USH2A: variants seen among roughly 807,000 people sequenced by gnomAD.
USH2A encodes the protein Usher syndrome 2A (autosomal recessive, mild).
Under a neutral mutation model 538.9 loss-of-function variants are expected in USH2A, and 443 were observed. The ratio of observed to expected loss-of-function variants is 0.82; its 90% CI spans 0.76 to 0.89. The LOEUF (loss-of-function observed/expected upper bound fraction) is 0.89, where lower values mean the gene tolerates loss of function less well. Among genes scored for constraint, USH2A ranks in the 40% least tolerant of loss-of-function variants. USH2A has a pLI of 0.00. For missense variants in USH2A, 6,633 were observed against 6,324.8 expected (o/e 1.05, Z -1.65); for synonymous variants, 2,413 against 2,273.5 (o/e 1.06, Z -1.75).
chr1:215,671,150 G>T lies in USH2A; in HGVS notation c.13955C>A (p.Thr4652Asn), dbSNP rs148605973. The T allele has an allele frequency of 5.6e-6, 9 of 1,614,156 alleles. No individual in the cohort carries two copies. The African/African-American group carries it at 1.2e-4, about 22-fold the overall frequency. ...VQMAPGGFQP[T>N]VSLLWTGPLQ... ...CGGTCCTGTCCACAAAAGAGAAACA[G>T]TTGGCTGGAATCCTCCTGGAGCCAT... is the stretch of plus-strand genomic sequence containing the variant. Residue 4652 changes from threonine to asparagine, a missense_variant, in exon 64 of 72, where the codon ACT becomes AAT. By Grantham distance (65) the Thr-to-Asn change is moderately conservative. Coordinates refer to ENST00000307340, the MANE Select transcript of USH2A (RefSeq NM_206933.4).
chr1:215,669,146 T>A (rs1435564942), intron 64 of USH2A, among the ~76,000 whole-genome samples: 1 of 152,124 alleles, frequency 6.6e-6, no homozygotes, highest in Non-Finnish European at 1.5e-5. Flanking sequence ...AGAAAGTTTG[T>A]GTTTCTTATA....
intron 22 of USH2A, 33 bp from the exon 23 acceptor site, chr1:216,089,172 T>C (rs1287177266): frequency 6.2e-6 from 10 of 1,600,922 alleles, no homozygotes; most frequent in Non-Finnish European, 7.7e-6. Flanking sequence ...TAAATGTTTA[T>C]ACATGCATAT....
At chr1:216,326,139 C>T (rs1039865183) in intron 5 of USH2A, among the ~76,000 whole-genome samples, 3 of 152,208 alleles carry the variant, frequency 2.0e-5, no homozygotes, top group African/African-American at 7.2e-5. Flanking sequence ...TCCTGACATC[C>T]TGTAATGCTT....
At chr1:216,255,963 G>T (rs530843234) in intron 11 of USH2A, among the ~76,000 whole-genome samples, 1 of 152,050 alleles carries the variant, frequency 6.6e-6, no homozygotes, top group Admixed American at 6.6e-5. Flanking sequence ...GACTCCTTTT[G>T]CAAAATGAAA....
intron 26 of USH2A, among the ~76,000 whole-genome samples, chr1:216,079,670 C>G (rs571902977): frequency 3.0e-4 from 45 of 152,250 alleles, no homozygotes; most frequent in African/African-American, 1.1e-3. Context: ...GAAACCAAAA[C>G]TCATATTCTT....
At chr1:216,150,532 G>A (rs1332787074) in intron 21 of USH2A, among the ~76,000 whole-genome samples, 6 of 151,878 alleles carry the variant, frequency 4.0e-5, no homozygotes, top group East Asian at 3.9e-4. Context: ...AGCTGTCCCC[G>A]TCTTACAGAC....
intron 69 of USH2A, 47 bp downstream of exon 69, chr1:215,639,108 G>A: frequency 6.4e-7 from 1 of 1,557,958 alleles, no homozygotes; most frequent in Non-Finnish European, 8.9e-7. Flanking sequence ...TGTGTTTCTT[G>A]AGGAAGATGA....
chr1:216,251,198 A>G (rs1179997742), intron 11 of USH2A, 100 bp from the exon 12 acceptor site: 4 of 1,176,130 alleles, frequency 3.4e-6, no homozygotes, highest in Non-Finnish European at 5.0e-6. Flanking sequence ...AGAAAACTAA[A>G]TGTTCAACAG....
intron 43 of USH2A, among the ~76,000 whole-genome samples, chr1:215,871,254 T>C (rs987252343): frequency 6.6e-6 from 1 of 152,240 alleles, no homozygotes; most frequent in Non-Finnish European, 1.5e-5. Context: ...ATAATATGTG[T>C]TAAAATCTTA....
intron 21 of USH2A, among the ~76,000 whole-genome samples, chr1:216,148,928 C>T (rs1476684271): frequency 6.6e-6 from 1 of 152,058 alleles, no homozygotes; most frequent in African/African-American, 2.4e-5. Context: ...CACAGACAGC[C>T]CCCATTACTT....
In USH2A at chr1:216,199,751, T is replaced by C. The variant is rs2102466499; in HGVS notation, c.3687A>G (p.Leu1229=). The change falls in exon 17 of 72, where the codon TTA becomes TTG. Residue 1229 remains leucine, a synonymous_variant. Coordinates refer to ENST00000307340, the MANE Select transcript of USH2A (RefSeq NM_206933.4). ...TGGTCACTGTAATGGGCAAGCTGTG[T>C]AAACAGCCCCCGCTAGTACACGCCT... ...SVQACTSGGC[L]HSLPITVTTA... is the part of the protein sequence containing the mutation. 1.9e-6 allele frequency: 3 copies of C among 1,614,058 alleles called. No homozygotes were observed. Among genetic ancestry groups the C allele is most frequent in the Non-Finnish European group, 2.5e-6 (3 of 1,179,986 alleles).
chr1:216,373,904 C>G (rs2038764235), intron 3 of USH2A, among the ~76,000 whole-genome samples: 1 of 151,894 alleles, frequency 6.6e-6, no homozygotes, highest in Non-Finnish European at 1.5e-5. Flanking sequence ...ACATATACAC[C>G]ATGGAATACT....
intron 64 of USH2A, among the ~76,000 whole-genome samples, chr1:215,659,712 T>TAGCTG (rs146431810): frequency 0.04 from 6,037 of 152,190 alleles, 365 homozygotes; most frequent in African/African-American, 0.13. Context: ...TTTAAATTAA[T>TAGCTG]AGCTGAGGAT....
rs74141599 is a variant in USH2A, at chr1:216,419,402, C to A, written c.486-723G>T. Among the ~76,000 whole-genome samples the A allele has an allele frequency of 3.6e-3, 549 of 152,186 alleles. 8 individuals carry two copies. The highest frequency in any genetic ancestry group is 0.012 in the African/African-American group (494 of 41,530). On this transcript the variant is annotated intron_variant, in intron 2 of 71. Transcript: ENST00000307340. ...AAAACTTCCAGGTCTTGTGTCAGGG[C>A]AGTTATCAAATTATTTTAAGTTATC...
At chr1:216,330,274 G>A (rs928466083) in intron 4 of USH2A, among the ~76,000 whole-genome samples, 20 of 152,064 alleles carry the variant, frequency 1.3e-4, no homozygotes, top group African/African-American at 3.9e-4. Context: ...TTGCATTCAC[G>A]TAGATAAACA....
At chr1:216,044,040 C>A (rs1025516468) in intron 32 of USH2A, among the ~76,000 whole-genome samples, 2 of 151,674 alleles carry the variant, frequency 1.3e-5, no homozygotes, top group African/African-American at 2.4e-5. Flanking sequence ...CTTTTTATTC[C>A]ATTCCCACTC....
chr1:216,233,807 G>T (rs146017194), intron 13 of USH2A, among the ~76,000 whole-genome samples: 359 of 152,280 alleles, frequency 2.4e-3, no homozygotes, highest in African/African-American at 8.3e-3. Flanking sequence ...TTATCAGGCA[G>T]TTGAATGTGG....
intron 61 of USH2A, among the ~76,000 whole-genome samples, chr1:215,682,755 A>T (rs78453072): frequency 3.8e-4 from 39 of 102,804 alleles, no homozygotes; most frequent in African/African-American, 4.7e-4. Flanking sequence ...ACATGTATCT[A>T]AAAAAAAAAG....
intron 21 of USH2A, among the ~76,000 whole-genome samples, chr1:216,144,606 T>A (rs1012374096): frequency 1.8e-4 from 27 of 152,178 alleles, no homozygotes; most frequent in Admixed American, 1.8e-3. Flanking sequence ...TTTAGTCAGG[T>A]AGCAGGGGAT....
Sources: gnomAD v4.1 joint callset for allele counts (sites outside exome capture counted in the v4.1 genomes callset) on GRCh38, gnomAD v4.1.1 for gene constraint, MANE v1.5 for transcripts, NCBI Gene and HGNC (gene_info 2026-07-23, HGNC 2026-07-21) for gene names.